The following GCAT variants were observed in gnomAD, a reference collection of about 807,000 sequenced individuals.
GCAT encodes glycine C-acetyltransferase, also known as 2-amino-3-ketobutyrate coenzyme A ligase, mitochondrial.
In GCAT, 26 loss-of-function variants were observed where a neutral mutation model predicts 39.7. The ratio of observed to expected loss-of-function variants is 0.65; its 90% CI spans 0.48 to 0.91. GCAT has a LOEUF of 0.91. GCAT is among the 40% of genes least tolerant of loss of function. GCAT has a pLI of 0.00. For synonymous variants in GCAT, 218 were observed against 237.2 expected (o/e 0.92, Z 0.74); for missense variants, 550 against 576.2 (o/e 0.95, Z 0.47).
In GCAT at chr22:37,814,634, T is replaced by C. The variant is rs1402506428; in HGVS notation, c.577-492T>C. On this transcript the variant is annotated intron_variant, in intron 4 of 8. Transcript: ENST00000248924. ...GTCTTGAACTCCTGGGCTCCCAAAG[T>C]TACAGGCATGAGCCACCATACCCAG... Among the ~76,000 whole-genome samples, 2 of 152,186 alleles carry C rather than the reference T, an allele frequency of 1.3e-5. 1 individual carries two copies. Among genetic ancestry groups the C allele is most frequent in the African/African-American group, 4.8e-5 (2 of 41,454 alleles).
chr22:37,815,933 G>A (rs1265755462), intron 7 of GCAT, 99 bp downstream of exon 7: 33 of 1,417,222 alleles, frequency 2.3e-5, no homozygotes, highest in Non-Finnish European at 2.8e-5. Flanking sequence ...TGCCCACCGG[G>A]TCTGCTTCTG....
chr22:37,807,963 G>A lies in GCAT; in HGVS notation c.-5G>A. 6.6e-7 allele frequency: 1 copy of A among 1,521,788 alleles called. No homozygotes were observed. The highest frequency in any genetic ancestry group is 8.8e-7 in the Non-Finnish European group (1 of 1,139,180). The allele number at this position is 1,521,788 out of a possible 1,614,324, so 94.3% of individuals were successfully genotyped here. A position where few individuals can be genotyped will look rare whatever the true frequency, so the allele number is the denominator to read the frequency against. On this transcript the variant is annotated 5_prime_UTR_variant, in exon 1 of 9. Coordinates refer to ENST00000248924, the MANE Select transcript of GCAT (RefSeq NM_014291.4). ...AGGCAGGCGCGCTCGGGCGAGGTAG[G>A]AGCGATGTGGCCTGGGAACGCCTGG...
Position 37,815,403 on chromosome 22 carries a change from T to G in GCAT, c.732-15T>G. 1 of 1,607,396 alleles carries G rather than the reference T, an allele frequency of 6.2e-7. No homozygotes were observed. The highest frequency in any genetic ancestry group is 8.5e-7 in the Non-Finnish European group (1 of 1,176,680). ...CTCAGGAGGCCAGTGACAGCAGCGGTGGCTTCCCTTGCAGGGGCACAGATG... is the reference window on the plus strand; with the variant it reads ...CTCAGGAGGCCAGTGACAGCAGCGGGGGCTTCCCTTGCAGGGGCACAGATG... On this transcript the variant is annotated splice_polypyrimidine_tract_variant and intron_variant, in intron 5 of 8. Transcript: ENST00000248924.
At chr22:37,809,902 C>T (rs1921379969) in intron 1 of GCAT, 125 bp from the exon 2 acceptor site, 1 of 1,285,474 alleles carries the variant, frequency 7.8e-7, no homozygotes, top group Non-Finnish European at 1.1e-6. Flanking sequence ...TTGGTGCCTC[C>T]TCAATGGTGA....
intron 1 of GCAT, among the ~76,000 whole-genome samples, chr22:37,809,329 C>CACCT (rs1921314234): frequency 1.3e-5 from 2 of 152,180 alleles, no homozygotes; most frequent in African/African-American, 4.8e-5. Context: ...GTATCTCAGG[C>CACCT]ACCTACCTTT....
chr22:37,810,580 G>C (rs1337695655), intron 2 of GCAT, among the ~76,000 whole-genome samples: 1 of 137,460 alleles, frequency 7.3e-6, no homozygotes, highest in Non-Finnish European at 1.5e-5. Context: ...GCGGTGGCAT[G>C]ATCTTGGCTA....
rs200622404 is a variant in GCAT, at chr22:37,815,438, G to T, written c.752G>T (p.Gly251Val). Residue 251 changes from glycine (G) to valine (V), a missense_variant, in exon 6 of 9, where the codon GGT becomes GTT. Gly to Val is a moderately radical substitution (Grantham distance 109, BLOSUM62 -3). Around this residue, in one of 3 missense-constraint regions of GCAT, gnomAD observed 378 missense variants for 390.4 expected, o/e 0.97. Transcript: ENST00000248924. ...PTGRGTDELL[G>V]VMDQVTIINS... ...TGCAGGGGCACAGATGAGCTGCTGG[G>T]TGTGATGGACCAGGTCACCATCATC... The T allele has an allele frequency of 6.2e-7, 1 of 1,610,718 alleles. No individual in the cohort carries two copies. Among genetic ancestry groups the T allele is most frequent in the South Asian group, 1.1e-5 (1 of 90,552 alleles).
Position 37,812,920 on chromosome 22 carries a change from C to A in GCAT, c.361C>A (p.Arg121Ser), listed in dbSNP as rs774319783. Residue 121 changes from arginine (R) to serine (S), a missense_variant, in exon 3 of 9, where the codon CGC becomes AGC. Physicochemically the swap from Arg to Ser is moderately radical, Grantham distance 110. This residue lies in a region of GCAT where 18 missense variants were observed against 43.8 expected (regional missense o/e 0.41). Coordinates refer to ENST00000248924, the MANE Select transcript of GCAT (RefSeq NM_014291.4). ...CAAGAATCTAGAAGCAAAAATAGCCCGCTTCCACCAGCGGGAGGATGCCAT... is the reference window on the plus strand; with the variant it reads ...CAAGAATCTAGAAGCAAAAATAGCCAGCTTCCACCAGCGGGAGGATGCCAT... ...IHKNLEAKIA[R>S]FHQREDAILY... is the part of the protein sequence containing the mutation. 6.2e-7 allele frequency: 1 copy of A among 1,613,482 alleles called. No individual in the cohort carries two copies. The highest frequency in any genetic ancestry group is 8.5e-7 in the Non-Finnish European group (1 of 1,179,644).
At position 37,816,321 on chromosome 22, in the gene GCAT, G is replaced by C. The variant is rs1258805779; in HGVS notation, c.1108G>C (p.Gly370Arg). 6.2e-7 allele frequency: 1 copy of C among 1,610,304 alleles called. No homozygotes were observed. Among genetic ancestry groups the C allele is most frequent in the Non-Finnish European group, 8.5e-7 (1 of 1,179,924 alleles). Reference sequence around the variant, plus strand: ...CATGGCGGATGACATGCTGAAGAGAGGTAAGGGTGCTGAGACAAGGGAACT... The same window carrying C: ...CATGGCGGATGACATGCTGAAGAGACGTAAGGGTGCTGAGACAAGGGAACT... ...SRMADDMLKR[G>R]IFVIGFSYPV... is the part of the protein sequence containing the mutation. Residue 370 changes from glycine (G) to arginine (R), a missense_variant and splice_region_variant, in exon 8 of 9, where the codon GGC (glycine) becomes CGC (arginine). Physicochemically the swap from Gly to Arg is moderately radical, Grantham distance 125. Around this residue, in one of 3 missense-constraint regions of GCAT, gnomAD observed 378 missense variants for 390.4 expected, o/e 0.97. Transcript: ENST00000248924.
chr22:37,816,022 A>G (rs1160837969), intron 7 of GCAT, 178 bp from the exon 8 acceptor site: 4 of 443,690 alleles, frequency 9.0e-6, no homozygotes, highest in Non-Finnish European at 1.2e-5. Context: ...CTGTCTTTCC[A>G]CCTCCCTTGT....
rs558066394 is a variant in GCAT at position 37,815,337 on chromosome 22, C to T, written c.731+57C>T. 13 of 1,597,458 alleles carry T rather than the reference C, an allele frequency of 8.1e-6. No homozygotes were observed. In the East Asian group the frequency reaches 1.1e-4, roughly 14 times the overall value. On this transcript the variant is annotated intron_variant, in intron 5 of 8. Transcript: ENST00000248924. Reference sequence around the variant, plus strand: ...GGGGCTTCTGAGGGTGGCTGGGAAACGAGGAGGCCAGTCCCCAGCATGATC... The same window carrying T: ...GGGGCTTCTGAGGGTGGCTGGGAAATGAGGAGGCCAGTCCCCAGCATGATC...
At chr22:37,813,062 C>T (rs1921772001) in intron 3 of GCAT, 74 bp downstream of exon 3, 26 of 1,039,522 alleles carry the variant, frequency 2.5e-5, no homozygotes, top group Non-Finnish European at 3.0e-5. Flanking sequence ...TGTGGGCAGT[C>T]GGGAGAACCT....
intron 3 of GCAT, 105 bp from the exon 4 acceptor site, chr22:37,813,358 G>A (rs1277907965): frequency 4.0e-6 from 5 of 1,265,726 alleles, no homozygotes; most frequent in Non-Finnish European, 4.5e-6. Context: ...CTACCCAGAG[G>A]AGCGCCCTGG....
chr22:37,815,766 C>CT lies in GCAT; in HGVS notation c.919dup (p.Ser307PhefsTer11). On this transcript the variant is annotated frameshift_variant, in exon 7 of 9. Transcript: ENST00000248924. LOFTEE classifies it high-confidence loss of function. ...TGCCACCTGCTGTCGTTGGCTGCGC[C>CT]TCCAAGGCCCTAGATCTGCTGATGG... is the stretch of plus-strand genomic sequence containing the variant. The CT allele has an allele frequency of 6.2e-7, 1 of 1,614,016 alleles. No individual in the cohort carries two copies. Among genetic ancestry groups the CT allele is most frequent in the Non-Finnish European group, 8.5e-7 (1 of 1,179,964 alleles).
chr22:37,816,188 T>G lies in GCAT; in HGVS notation c.987-12T>G. On this transcript the variant is annotated splice_polypyrimidine_tract_variant and intron_variant, in intron 7 of 8. Coordinates refer to ENST00000248924, the MANE Select transcript of GCAT (RefSeq NM_014291.4). ...CGGCCCCTTAGCTACCTGTGACACCTTGTGCCCACAGGTTCCGTAGTAAGA... is the reference window on the plus strand; with the variant it reads ...CGGCCCCTTAGCTACCTGTGACACCGTGTGCCCACAGGTTCCGTAGTAAGA... 3.1e-6 allele frequency: 5 copies of G among 1,612,292 alleles called. No individual in the cohort carries two copies. The highest frequency in any genetic ancestry group is 4.2e-6 in the Non-Finnish European group (5 of 1,179,432).
In GCAT at chr22:37,815,672, C is replaced by T. The variant is rs142256511; in HGVS notation, c.824C>T (p.Thr275Met). Residue 275 changes from threonine (T) to methionine (M), a missense_variant, in exon 7 of 9, where the codon ACG becomes ATG. By Grantham distance (81) the Thr-to-Met change is moderately conservative. Around this residue, in one of 3 missense-constraint regions of GCAT, gnomAD observed 378 missense variants for 390.4 expected, o/e 0.97. Coordinates refer to ENST00000248924, the MANE Select transcript of GCAT (RefSeq NM_014291.4). ...KALGGASGGY[T>M]TGPGPLVSLL... Reference sequence around the variant, plus strand: ...CTTCCCTTCTTCTCAGGGGGCTACACGACAGGGCCTGGGCCCCTGGTGTCC... The same window carrying T: ...CTTCCCTTCTTCTCAGGGGGCTACATGACAGGGCCTGGGCCCCTGGTGTCC... The T allele has an allele frequency of 1.3e-5, 21 of 1,611,048 alleles. No homozygotes were observed. The highest frequency in any genetic ancestry group is 1.8e-4 in the Middle Eastern group (1 of 5,654).
At chr22:37,810,561 G>A (rs989939172) in intron 2 of GCAT, among the ~76,000 whole-genome samples, 3 of 144,426 alleles carry the variant, frequency 2.1e-5, no homozygotes, top group Admixed American at 7.2e-5. Context: ...CTGTCGCTGA[G>A]GCTGGAGTGC....
At chr22:37,812,165 T>A (rs1286532062) in intron 2 of GCAT, among the ~76,000 whole-genome samples, 1 of 146,852 alleles carries the variant, frequency 6.8e-6, no homozygotes. Context: ...ACCCTCTCTC[T>A]AAAAAAAAAA....
rs904607314 is a variant in GCAT at position 37,807,958 on chromosome 22, G to T, written c.-10G>T. The T allele has an allele frequency of 9.2e-6, 14 of 1,517,538 alleles. No homozygotes were observed. Among genetic ancestry groups the T allele is most frequent in the African/African-American group, 2.9e-5 (2 of 70,084 alleles). 94.0% of individuals were successfully genotyped at this position (1,517,538 alleles called of 1,614,324 possible). On this transcript the variant is annotated 5_prime_UTR_variant, in exon 1 of 9. In the 5' UTR this introduces an upstream ATG that the reference lacks. Transcript: ENST00000248924. ...CAGGCAGGCAGGCGCGCTCGGGCGA[G>T]GTAGGAGCGATGTGGCCTGGGAACG...
Sources: gnomAD v4.1 joint callset for allele counts (sites outside exome capture counted in the v4.1 genomes callset) on GRCh38, gnomAD v4.1.1 for gene constraint, gnomAD v4.1.1 regional missense constraint, MANE v1.5 for transcripts, NCBI Gene and HGNC (gene_info 2026-07-23, HGNC 2026-07-21) for gene names.